Variants in CAMKMT observed in about 807,000 individuals in gnomAD.
CAMKMT encodes the protein calmodulin-lysine N-methyltransferase.
CAMKMT carries 53 observed loss-of-function variants against 48.0 expected under a neutral mutation model. The observed-to-expected ratio is 1.10, with a 90% CI of 0.89 to 1.39. The LOEUF (loss-of-function observed/expected upper bound fraction) is 1.39, where lower values mean the gene tolerates loss of function less well. CAMKMT is among the 40% of genes most tolerant of loss of function. The probability of loss-of-function intolerance (pLI) is 0.00; values close to 1 mark genes in which losing one functional copy is unlikely to be tolerated. For synonymous variants in CAMKMT, 165 were observed against 152.3 expected (o/e 1.08, Z -0.61); for missense variants, 428 against 402.7 (o/e 1.06, Z -0.54).
chr2:44,733,069 G>T (rs372484552), intron 7 of CAMKMT, among the ~76,000 whole-genome samples: 1 of 152,060 alleles, frequency 6.6e-6, no homozygotes, highest in Admixed American at 6.6e-5. Flanking sequence ...TTTACATTTA[G>T]GTTTATGATT....
intron 3 of CAMKMT, among the ~76,000 whole-genome samples, chr2:44,475,876 C>T (rs1161514966): frequency 1.3e-5 from 2 of 152,192 alleles, no homozygotes; most frequent in African/African-American, 4.8e-5. Context: ...AAGTCTGTGA[C>T]TGCATTCTCT....
At chr2:44,396,423 GTAAGA>G (rs1332809180) in intron 3 of CAMKMT, among the ~76,000 whole-genome samples, 7 of 152,208 alleles carry the variant, frequency 4.6e-5, no homozygotes, top group Middle Eastern at 3.4e-3. Context: ...CTGAAAACCT[GTAAGA>G]TAGAGAAAAA....
chr2:44,642,671 G>T (rs1673511272), intron 3 of CAMKMT, among the ~76,000 whole-genome samples: 1 of 152,106 alleles, frequency 6.6e-6, no homozygotes, highest in Admixed American at 6.5e-5. Flanking sequence ...CCTGGCTGGG[G>T]TGTTGGCAAG....
intron 3 of CAMKMT, among the ~76,000 whole-genome samples, chr2:44,468,026 G>T (rs546830672): frequency 3.7e-4 from 56 of 152,100 alleles, no homozygotes; most frequent in Admixed American, 9.8e-4. Context: ...AAACTAAAAA[G>T]CTTTTGCACA....
intron 3 of CAMKMT, among the ~76,000 whole-genome samples, chr2:44,614,542 A>T (rs1050028778): frequency 1.3e-5 from 2 of 152,242 alleles, no homozygotes; most frequent in African/African-American, 2.4e-5. Context: ...TATGAGCAAG[A>T]TAAGCAGAAC....
At chr2:44,531,545 C>T (rs915032456) in intron 3 of CAMKMT, among the ~76,000 whole-genome samples, 8 of 152,118 alleles carry the variant, frequency 5.3e-5, no homozygotes, top group East Asian at 1.9e-4. Flanking sequence ...GTTTTATCAG[C>T]GGCCATAGGG....
At chr2:44,762,723 G>A (rs1460234016) in intron 9 of CAMKMT, among the ~76,000 whole-genome samples, 1 of 152,162 alleles carries the variant, frequency 6.6e-6, no homozygotes, top group Non-Finnish European at 1.5e-5. Context: ...CCTTTAATGT[G>A]TAAGTATAGA....
chr2:44,713,448 A>G (rs1478301286), intron 6 of CAMKMT, among the ~76,000 whole-genome samples: 1 of 152,182 alleles, frequency 6.6e-6, no homozygotes, highest in African/African-American at 2.4e-5. Flanking sequence ...TTCTCAGAAT[A>G]AAGATGTCAG....
At chr2:44,595,007 C>T (rs1216200533) in intron 3 of CAMKMT, among the ~76,000 whole-genome samples, 3 of 152,102 alleles carry the variant, frequency 2.0e-5, no homozygotes, top group East Asian at 3.9e-4. Flanking sequence ...TATGAACGGA[C>T]GCCTGTCAAA....
intron 3 of CAMKMT, among the ~76,000 whole-genome samples, chr2:44,552,160 C>T (rs190751141): frequency 6.6e-6 from 1 of 152,056 alleles, no homozygotes; most frequent in South Asian, 2.1e-4. Flanking sequence ...TCTCCAGTGT[C>T]TATTATTCCA....
intron 3 of CAMKMT, among the ~76,000 whole-genome samples, chr2:44,591,794 T>C (rs71420099): frequency 0.19 from 28,093 of 151,054 alleles, 3,517 homozygotes; most frequent in Middle Eastern, 0.28. Context: ...TTCACAATAG[T>C]AAAGACTTGG....
At chr2:44,750,451 C>G (rs1169262060) in intron 8 of CAMKMT, among the ~76,000 whole-genome samples, 2 of 152,106 alleles carry the variant, frequency 1.3e-5, no homozygotes, top group African/African-American at 2.4e-5. Context: ...GCCACCGTGC[C>G]CTGTCTGCTG....
At chr2:44,579,037 A>C (rs963478783) in intron 3 of CAMKMT, among the ~76,000 whole-genome samples, 3 of 152,222 alleles carry the variant, frequency 2.0e-5, no homozygotes, top group African/African-American at 7.2e-5. Context: ...CTAACATTTC[A>C]AGAAGTAGGT....
At chr2:44,706,503 T>C (rs911536174) in intron 5 of CAMKMT, among the ~76,000 whole-genome samples, 162 bp downstream of exon 5, 1 of 152,184 alleles carries the variant, frequency 6.6e-6, no homozygotes, top group Non-Finnish European at 1.5e-5. Context: ...TCGGATCATA[T>C]TGATTTTATG....
At chr2:44,762,354 A>T (rs1445218057) in intron 9 of CAMKMT, among the ~76,000 whole-genome samples, 1 of 152,218 alleles carries the variant, frequency 6.6e-6, no homozygotes, top group African/African-American at 2.4e-5. Context: ...GAAAATCAGC[A>T]TAAGCTTAAA....
intron 3 of CAMKMT, among the ~76,000 whole-genome samples, chr2:44,688,630 A>G (rs1457797877): frequency 6.6e-6 from 1 of 152,174 alleles, no homozygotes; most frequent in Non-Finnish European, 1.5e-5. Flanking sequence ...CTTACCATGT[A>G]AATTTGCTGA....
At chr2:44,613,395 A>C (rs76669078) in intron 3 of CAMKMT, among the ~76,000 whole-genome samples, 4,171 of 152,294 alleles carry the variant, frequency 0.027, 77 homozygotes, top group Non-Finnish European at 0.043. Flanking sequence ...CAGAAAATAA[A>C]AGGAAAATGA....
chr2:44,566,930 C>T (rs1188518727), intron 3 of CAMKMT, among the ~76,000 whole-genome samples: 3 of 152,114 alleles, frequency 2.0e-5, no homozygotes, highest in Non-Finnish European at 2.9e-5. Flanking sequence ...AAATATTTCT[C>T]AGGGAGATAA....
chr2:44,772,441 T>C lies in CAMKMT; in HGVS notation c.*328T>C, dbSNP rs1226919557. The C allele has an allele frequency of 9.0e-6, 2 of 223,188 alleles. No homozygotes were observed. Among genetic ancestry groups the C allele is most frequent in the Non-Finnish European group, 1.7e-5 (2 of 115,436 alleles). 13.8% of individuals were successfully genotyped at this position (223,188 alleles called of 1,614,324 possible). ...CCCTGTAATTGAGACAGAATTTCTT[T>C]TGATGATACCCATCCCTCCTTCATT... On this transcript the variant is annotated 3_prime_UTR_variant, in exon 11 of 11. Transcript: ENST00000378494.
Sources: allele counts gnomAD v4.1 joint callset (sites outside exome capture counted in the v4.1 genomes callset), GRCh38; gene constraint gnomAD v4.1.1; transcripts MANE v1.5; gene names NCBI Gene and HGNC (gene_info 2026-07-23, HGNC 2026-07-21).